The following CD40LG variants were observed in gnomAD, a reference collection of about 807,000 sequenced individuals.
CD40LG encodes CD40 antigen ligand.
In CD40LG, 1 loss-of-function variant was observed where a neutral mutation model predicts 17.2. That is an observed-to-expected ratio of 0.06 (90% CI 0.02 to 0.28). The LOEUF (loss-of-function observed/expected upper bound fraction) is 0.28, where lower values mean the gene tolerates loss of function less well. CD40LG is among the 10% of genes least tolerant of loss of function. CD40LG has a pLI of 1.00. For missense variants in CD40LG, 133 were observed against 193.2 expected (o/e 0.69, Z 1.85); for synonymous variants, 66 against 74.4 (o/e 0.89, Z 0.58).
intron 1 of CD40LG, among the ~76,000 whole-genome samples, chrX:136,649,009 C>G (rs1245130250): frequency 8.9e-6 from 1 of 112,249 alleles, no homozygotes; most frequent in Non-Finnish European, 1.9e-5. Context: ...GATGCTCAGT[C>G]TCCCTCTGAG....
rs2076129143 is a variant in CD40LG, at chrX:136,659,714, G to A, written c.*299G>A. 3.2e-6 allele frequency: 1 copy of A among 311,316 alleles called. No individual in the cohort carries two copies. Among genetic ancestry groups the A allele is most frequent in the South Asian group, 9.1e-5 (1 of 10,937 alleles). The allele number at this position is 311,316 out of a possible 1,213,427, so 25.7% of individuals were successfully genotyped here. On this transcript the variant is annotated 3_prime_UTR_variant, in exon 5 of 5. Transcript: ENST00000370629. Reference sequence around the variant, plus strand: ...GGCCATTATGCACAGGTTGAATTCTGAGTAAACAGCAGATAACTTGCCAAG... The same window carrying A: ...GGCCATTATGCACAGGTTGAATTCTAAGTAAACAGCAGATAACTTGCCAAG...
chrX:136,654,434 G>C lies in CD40LG; in HGVS notation c.346+4G>C. ...AACAGCTTTGAAATGCAAAAAGGTA[G>C]GTTTGCTATTTGCTAATTTCTATGA... is the stretch of plus-strand genomic sequence containing the variant. On this transcript the variant is annotated splice_donor_region_variant and intron_variant, in intron 3 of 4. Transcript: ENST00000370629. The C allele has an allele frequency of 8.5e-7, 1 of 1,175,758 alleles. No individual in the cohort carries two copies. The highest frequency in any genetic ancestry group is 1.2e-6 in the Non-Finnish European group (1 of 862,849).
chrX:136,649,882 C>A (rs2076099101), intron 1 of CD40LG, among the ~76,000 whole-genome samples: 1 of 112,326 alleles, frequency 8.9e-6, no homozygotes. Context: ...ATGAAGTGGG[C>A]AAATTAGCTC....
At chrX:136,649,518 G>T (rs1174535415) in intron 1 of CD40LG, among the ~76,000 whole-genome samples, 2 of 112,104 alleles carry the variant, frequency 1.8e-5, no homozygotes, top group Non-Finnish European at 3.8e-5. Flanking sequence ...TTCTAAAGGG[G>T]CAATAGTGAC....
intron 3 of CD40LG, among the ~76,000 whole-genome samples, chrX:136,655,527 A>AACAT (rs2076116600): frequency 8.9e-6 from 1 of 111,901 alleles, no homozygotes; most frequent in Non-Finnish European, 1.9e-5. Context: ...TACACACAAA[A>AACAT]ACATACATAC....
chrX:136,655,538 A>G (rs937849785), intron 3 of CD40LG, among the ~76,000 whole-genome samples: 2 of 111,939 alleles, frequency 1.8e-5, no homozygotes, highest in Non-Finnish European at 1.9e-5. Flanking sequence ...ACATACATAC[A>G]TACAGGGATA....
chrX:136,652,973 T>C (rs1228380449), intron 2 of CD40LG, among the ~76,000 whole-genome samples: 2 of 105,879 alleles, frequency 1.9e-5, no homozygotes, highest in Admixed American at 2.0e-4. Context: ...CTCTGGGGAG[T>C]GTGGTTGGGC....
chrX:136,659,203 A>G lies in CD40LG; in HGVS notation c.574A>G (p.Ser192Gly). Reference protein sequence around the residue: ...EASSQAPFIASLCLKSPGRFE... With the variant: ...EASSQAPFIAGLCLKSPGRFE... ...TTCGAGTCAAGCTCCATTTATAGCC[A>G]GCCTCTGCCTAAAGTCCCCCGGTAG... Residue 192 changes from serine to glycine, a missense_variant, in exon 5 of 5, where the codon AGC becomes GGC. By Grantham distance (56) the Ser-to-Gly change is moderately conservative (BLOSUM62 0). Transcript: ENST00000370629. The G allele has an allele frequency of 4.1e-6, 5 of 1,211,494 alleles. No homozygotes were observed. The highest frequency in any genetic ancestry group is 4.5e-6 in the Non-Finnish European group (4 of 894,967).
chrX:136,659,338 G>A lies in CD40LG; in HGVS notation c.709G>A (p.Val237Met), dbSNP rs1189105308. 6 of 1,210,943 alleles carry A rather than the reference G, an allele frequency of 5.0e-6. No individual in the cohort carries two copies. Among genetic ancestry groups the A allele is most frequent in the Non-Finnish European group, 6.7e-6 (6 of 894,876 alleles). Residue 237 changes from valine (V) to methionine (M), a missense_variant, in exon 5 of 5, where the codon GTG (valine) becomes ATG (methionine). By Grantham distance (21) the Val-to-Met change is conservative. Transcript: ENST00000370629. Reference protein sequence around the residue: ...GVFELQPGASVFVNVTDPSQV... With the variant: ...GVFELQPGASMFVNVTDPSQV... ...ATTTGAATTGCAACCAGGTGCTTCG[G>A]TGTTTGTCAATGTGACTGATCCAAG...
chrX:136,657,701 C>T (rs1240262940), intron 4 of CD40LG, among the ~76,000 whole-genome samples: 1 of 111,883 alleles, frequency 8.9e-6, no homozygotes, highest in Non-Finnish European at 1.9e-5. Context: ...AATAGCTTCC[C>T]ACTGGTCTTT....
intron 2 of CD40LG, among the ~76,000 whole-genome samples, chrX:136,654,057 C>G (rs1289644452): frequency 8.9e-6 from 1 of 111,856 alleles, no homozygotes; most frequent in African/African-American, 3.3e-5. Flanking sequence ...CAATATCTGT[C>G]AAAGCCAAGG....
intron 3 of CD40LG, among the ~76,000 whole-genome samples, chrX:136,654,930 C>G (rs922347409): frequency 9.0e-6 from 1 of 111,116 alleles, no homozygotes; most frequent in Non-Finnish European, 1.9e-5. Flanking sequence ...TGAGAGTTCT[C>G]AAATCCAGCA....
chrX:136,659,261 C>A lies in CD40LG; in HGVS notation c.632C>A (p.Thr211Asn), dbSNP rs1569377829. The A allele has an allele frequency of 2.5e-6, 3 of 1,211,609 alleles. No homozygotes were observed. The highest frequency in any genetic ancestry group is 3.4e-6 in the Non-Finnish European group (3 of 895,197). Residue 211 changes from threonine (T) to asparagine (N), a missense_variant, in exon 5 of 5, where the codon ACC becomes AAC. Transcript: ENST00000370629. Reference protein sequence around the residue: ...FERILLRAANTHSSAKPCGQQ... With the variant: ...FERILLRAANNHSSAKPCGQQ... ...AGAATCTTACTCAGAGCTGCAAATA[C>A]CCACAGTTCCGCCAAACCTTGCGGG...
intron 3 of CD40LG, among the ~76,000 whole-genome samples, chrX:136,656,155 C>A (rs973440769): frequency 8.9e-6 from 1 of 111,948 alleles, no homozygotes; most frequent in Admixed American, 9.5e-5. Flanking sequence ...AGAATGAGAC[C>A]GATGGAAACA....
Position 136,658,993 on chromosome X carries a change from A to G in CD40LG, c.410-46A>G, listed in dbSNP as rs780243680. 4 of 1,194,137 alleles carry G rather than the reference A, an allele frequency of 3.3e-6. No homozygotes were observed. In the South Asian group the frequency reaches 7.1e-5, roughly 21 times the overall value. On this transcript the variant is annotated intron_variant, in intron 4 of 4. Coordinates refer to ENST00000370629, the MANE Select transcript of CD40LG (RefSeq NM_000074.3). ...TATATTTTTTGTCAGAATGTGAACC[A>G]TGCTCTGCTTCACCTCACCACAAAC...
Position 136,650,317 on chromosome X carries a change from C to A in CD40LG, c.208C>A (p.Gln70Lys). The change falls in exon 2 of 5, where the codon CAG (glutamine) becomes AAG (lysine). Residue 70 changes from glutamine to lysine, a missense_variant. Physicochemically the swap from Gln to Lys is moderately conservative, Grantham distance 53. Coordinates refer to ENST00000370629, the MANE Select transcript of CD40LG (RefSeq NM_000074.3). ...HEDFVFMKTI[Q>K]RCNTGERSLS... ...AGATTTTGTATTCATGAAAACGATA[C>A]AGAGATGCAACACAGGAGAAAGATC... is the stretch of plus-strand genomic sequence containing the variant. 1 of 1,182,220 alleles carries A rather than the reference C, an allele frequency of 8.5e-7. No individual in the cohort carries two copies. Among genetic ancestry groups the A allele is most frequent in the Non-Finnish European group, 1.2e-6 (1 of 869,184 alleles).
At chrX:136,652,129 G>A (rs1285402972) in intron 2 of CD40LG, among the ~76,000 whole-genome samples, 1 of 110,763 alleles carries the variant, frequency 9.0e-6, no homozygotes, top group African/African-American at 3.3e-5. Flanking sequence ...AGGCATGTCA[G>A]CCAGGGCCCC....
rs2076127864 is a variant in CD40LG at position 136,659,322 on chromosome X, G to C, written c.693G>C (p.Leu231Phe). The change falls in exon 5 of 5, where the codon TTG becomes TTC. Residue 231 changes from leucine to phenylalanine, a missense_variant. By Grantham distance (22) the Leu-to-Phe change is conservative. Coordinates refer to ENST00000370629, the MANE Select transcript of CD40LG (RefSeq NM_000074.3). ...QSIHLGGVFE[L>F]QPGASVFVNV... The stretch of plus-strand genomic sequence containing the variant: ...TTCACTTGGGAGGAGTATTTGAATT[G>C]CAACCAGGTGCTTCGGTGTTTGTCA... 8.3e-7 allele frequency: 1 copy of C among 1,208,952 alleles called. No individual in the cohort carries two copies. Among genetic ancestry groups the C allele is most frequent in the Non-Finnish European group, 1.1e-6 (1 of 894,422 alleles).
Position 136,659,488 on chromosome X carries a change from A to AC in CD40LG, c.*78dup, listed in dbSNP as rs1192344478. 2 of 1,063,225 alleles carry AC rather than the reference A, an allele frequency of 1.9e-6. No homozygotes were observed. The highest frequency in any genetic ancestry group is 1.8e-5 in the African/African-American group (1 of 54,203). 87.6% of individuals were successfully genotyped at this position (1,063,225 alleles called of 1,213,427 possible). ...ATAATACAGCACAGCGGTTAAGCCC[A>AC]CCCCCTGTTAACTGCCTATTTATAA... is the stretch of plus-strand genomic sequence containing the variant. On this transcript the variant is annotated 3_prime_UTR_variant, in exon 5 of 5. Transcript: ENST00000370629.
Sources: gnomAD v4.1 joint callset for allele counts (sites outside exome capture counted in the v4.1 genomes callset) on GRCh38, gnomAD v4.1.1 for gene constraint, MANE v1.5 for transcripts, NCBI Gene and HGNC (gene_info 2026-07-23, HGNC 2026-07-21) for gene names.